ATP8A2: variants seen among roughly 807,000 people sequenced by gnomAD.
ATP8A2 encodes the protein ATPase phospholipid transporting 8A2.
Under a neutral mutation model 165.6 loss-of-function variants are expected in ATP8A2, and 100 were observed. The ratio of observed to expected loss-of-function variants is 0.60; its 90% CI spans 0.51 to 0.71. The LOEUF (loss-of-function observed/expected upper bound fraction) is 0.71. Ranked by LOEUF, ATP8A2 falls within the 30% of genes least tolerant of loss-of-function variation. The probability of loss-of-function intolerance (pLI) is 0.00; values close to 1 mark genes in which losing one functional copy is unlikely to be tolerated. For synonymous variants in ATP8A2, 543 were observed against 548.8 expected, an observed-to-expected ratio of 0.99 and a Z score of 0.15; for missense variants, 1,227 against 1,479.5, an observed-to-expected ratio of 0.83 and a Z score of 2.80.
intron 34 of ATP8A2, among the ~76,000 whole-genome samples, chr13:25,965,728 G>A (rs1465173057): frequency 6.6e-6 from 1 of 152,156 alleles, no homozygotes; most frequent in Admixed American, 6.5e-5. Context: ...TGAACACAGA[G>A]GAACCCATTT....
chr13:25,985,105 C>T (rs1041305646), intron 35 of ATP8A2, among the ~76,000 whole-genome samples: 26 of 152,298 alleles, frequency 1.7e-4, no homozygotes, highest in Non-Finnish European at 2.8e-4. Context: ...CCATAAAGTA[C>T]CCTCCATCCC....
At chr13:25,509,399 G>C (rs1386067558) in intron 2 of ATP8A2, among the ~76,000 whole-genome samples, 1 of 151,978 alleles carries the variant, frequency 6.6e-6, no homozygotes, top group Non-Finnish European at 1.5e-5. Flanking sequence ...TGAATTATCT[G>C]TTCTTTCTAT....
chr13:25,900,261 A>T (rs943476542), intron 33 of ATP8A2, among the ~76,000 whole-genome samples: 12 of 152,164 alleles, frequency 7.9e-5, no homozygotes, highest in African/African-American at 2.9e-4. Context: ...ATTGAGTTCC[A>T]TGCCTCTTCA....
At chr13:25,973,929 A>G (rs1955968525) in intron 35 of ATP8A2, among the ~76,000 whole-genome samples, 1 of 152,108 alleles carries the variant, frequency 6.6e-6, no homozygotes, top group Admixed American at 6.5e-5. Flanking sequence ...TAAAATACCT[A>G]TTATTGGCTT....
chr13:25,482,437 A>G (rs2036232990), intron 2 of ATP8A2, among the ~76,000 whole-genome samples: 1 of 152,048 alleles, frequency 6.6e-6, no homozygotes, highest in South Asian at 2.1e-4. Flanking sequence ...GAGACCAATG[A>G]GCTGGGCCTG....
intron 6 of ATP8A2, among the ~76,000 whole-genome samples, chr13:25,533,747 T>C (rs571913184): frequency 1.3e-5 from 2 of 152,286 alleles, no homozygotes; most frequent in African/African-American, 4.8e-5. Context: ...AGTTAGCTGC[T>C]CTTAATAATA....
At chr13:25,820,229 G>C (rs1312478662) in intron 27 of ATP8A2, among the ~76,000 whole-genome samples, 2 of 152,194 alleles carry the variant, frequency 1.3e-5, no homozygotes, top group Non-Finnish European at 1.5e-5. Context: ...TTAAAGCAAA[G>C]AAGGGTCTTT....
At chr13:25,862,146 A>G (rs1208365834) in intron 32 of ATP8A2, among the ~76,000 whole-genome samples, 155 bp from the exon 33 acceptor site, 1 of 152,192 alleles carries the variant, frequency 6.6e-6, no homozygotes, top group African/African-American at 2.4e-5. Context: ...AGACATGGGA[A>G]TTAGAAAGAT....
chr13:25,659,827 C>T (rs1452125836), intron 24 of ATP8A2, among the ~76,000 whole-genome samples: 1 of 152,144 alleles, frequency 6.6e-6, no homozygotes, highest in Non-Finnish European at 1.5e-5. Flanking sequence ...AAGGCTAGAT[C>T]AGAAGTCAAT....
At chr13:25,902,939 G>GCACACACACACACACACACACACA (rs3221410) in intron 33 of ATP8A2, among the ~76,000 whole-genome samples, 35 of 140,526 alleles carry the variant, frequency 2.5e-4, no homozygotes, top group South Asian at 1.6e-3. Flanking sequence ...TCCTCAGCAT[G>GCACACACACACACACACACACACA]CACACACACA....
At chr13:25,813,288 G>A (rs1306516826) in intron 27 of ATP8A2, among the ~76,000 whole-genome samples, 1 of 151,372 alleles carries the variant, frequency 6.6e-6, no homozygotes, top group Non-Finnish European at 1.5e-5. Flanking sequence ...TAGCCAGTTG[G>A]TCTGACTCCA....
intron 2 of ATP8A2, among the ~76,000 whole-genome samples, chr13:25,527,001 T>C (rs2037862602): frequency 6.6e-6 from 1 of 152,144 alleles, no homozygotes; most frequent in Non-Finnish European, 1.5e-5. Flanking sequence ...TGGCTGTGGA[T>C]GTCCCCTTCT....
intron 24 of ATP8A2, among the ~76,000 whole-genome samples, chr13:25,594,130 A>T (rs192321380): frequency 1.7e-3 from 264 of 152,366 alleles, no homozygotes; most frequent in Middle Eastern, 0.01. Context: ...TTTAAAAACT[A>T]AGAATCTTGA....
At chr13:25,691,637 T>C (rs574354860) in intron 24 of ATP8A2, among the ~76,000 whole-genome samples, 2 of 152,308 alleles carry the variant, frequency 1.3e-5, no homozygotes, top group Non-Finnish European at 2.9e-5. Context: ...CTGTGAGATA[T>C]CATCCTGTCT....
intron 25 of ATP8A2, among the ~76,000 whole-genome samples, chr13:25,754,402 GA>G (rs1208712025): frequency 6.7e-6 from 1 of 149,138 alleles, no homozygotes; most frequent in African/African-American, 2.5e-5. Flanking sequence ...ATTTCAAATG[GA>G]AAAAAAAGTA....
At chr13:25,916,641 C>T (rs1256778420) in intron 33 of ATP8A2, among the ~76,000 whole-genome samples, 1 of 152,166 alleles carries the variant, frequency 6.6e-6, no homozygotes, top group Non-Finnish European at 1.5e-5. Flanking sequence ...TTAGAAAACA[C>T]CCCAAGTTCT....
intron 33 of ATP8A2, among the ~76,000 whole-genome samples, chr13:25,898,752 G>A (rs937405743): frequency 4.2e-4 from 64 of 152,320 alleles, no homozygotes; most frequent in African/African-American, 1.3e-3. Flanking sequence ...CACCAGCCTC[G>A]CTGCCGCCTT....
chr13:25,560,700 CAAAA>C (rs748751011), intron 15 of ATP8A2, among the ~76,000 whole-genome samples: 11 of 63,290 alleles, frequency 1.7e-4, no homozygotes, highest in African/African-American at 6.0e-4. Flanking sequence ...ACTCTTGTCT[CAAAA>C]AAAAAAAAAA....
intron 25 of ATP8A2, among the ~76,000 whole-genome samples, chr13:25,720,716 C>T (rs2043360950): frequency 6.6e-6 from 1 of 152,166 alleles, no homozygotes; most frequent in Admixed American, 6.5e-5. Context: ...ATCCTCGTCC[C>T]CTTTAACCAT....
Sources: allele counts gnomAD v4.1 joint callset (sites outside exome capture counted in the v4.1 genomes callset), GRCh38; gene constraint gnomAD v4.1.1; transcripts MANE v1.5; gene names NCBI Gene and HGNC (gene_info 2026-07-23, HGNC 2026-07-21).